Variants in EIF5B observed in about 807,000 individuals in gnomAD.
EIF5B encodes the protein eIF-5B.
Under a neutral mutation model 147.5 loss-of-function variants are expected in EIF5B, and 47 were observed. The observed-to-expected ratio is 0.32, with a 90% confidence interval of 0.25 to 0.41. EIF5B has a LOEUF of 0.41. Among genes scored for constraint, EIF5B ranks in the 10% least tolerant of loss-of-function variants. The pLI is 1.00. For missense variants in EIF5B, 1,064 were observed against 1,413.2 expected (o/e 0.75, Z 3.96); for synonymous variants, 455 against 456.2 (o/e 1.00, Z 0.03).
At chr2:99,372,505 A>C (rs1674474256) in intron 9 of EIF5B, among the ~76,000 whole-genome samples, 1 of 151,984 alleles carries the variant, frequency 6.6e-6, no homozygotes, top group African/African-American at 2.4e-5. Flanking sequence ...CGCCCAGCTA[A>C]TTTTGTATTT....
intron 14 of EIF5B, among the ~76,000 whole-genome samples, chr2:99,385,956 A>C (rs1214392989): frequency 6.6e-6 from 1 of 152,242 alleles, no homozygotes; most frequent in Non-Finnish European, 1.5e-5. Context: ...TTATGATTTC[A>C]TATAAATGGA....
chr2:99,337,615 C>T, intron 1 of EIF5B, 26 bp downstream of exon 1: 2 of 1,597,734 alleles, frequency 1.3e-6, no homozygotes, highest in Non-Finnish European at 1.7e-6. Context: ...GTCCGTACGG[C>T]GGCGGCCGCC....
intron 4 of EIF5B, among the ~76,000 whole-genome samples, chr2:99,363,333 A>G (rs945592704): frequency 6.6e-6 from 1 of 152,170 alleles, no homozygotes; most frequent in Non-Finnish European, 1.5e-5. Context: ...CTCAGGTACC[A>G]TGGATTTAGA....
Position 99,399,492 on chromosome 2 carries a change from G to A in EIF5B, c.*78G>A. The A allele has an allele frequency of 1.5e-6, 2 of 1,360,132 alleles. No individual in the cohort carries two copies. Among genetic ancestry groups the A allele is most frequent in the Middle Eastern group, 1.9e-4 (1 of 5,172 alleles). The allele number at this position is 1,360,132 out of a possible 1,614,324, so 84.3% of individuals were successfully genotyped here. The stretch of plus-strand genomic sequence containing the variant: ...CCCAACAAAAATCAGACAAAAAATG[G>A]AACAGACGTATTTGGACACTGATGG... On this transcript the variant is annotated 3_prime_UTR_variant, in exon 24 of 24. Coordinates refer to ENST00000289371, the MANE Select transcript of EIF5B (RefSeq NM_015904.4).
Position 99,379,405 on chromosome 2 carries a change from G to T in EIF5B, c.2038G>T (p.Glu680Ter). 1.2e-6 allele frequency: 2 copies of T among 1,612,608 alleles called. No individual in the cohort carries two copies. The highest frequency in any genetic ancestry group is 2.2e-5 in the South Asian group (2 of 90,864). ...ATNVPLEAIN[E>*]QTKMIKNFDR... ...CAATGTTCCTCTTGAAGCTATTAAT[G>T]AACAGACTAAGATGATTAAAAATGT... Residue 680 changes from glutamate (E) to a stop codon, truncating the protein, a stop_gained, in exon 12 of 24, where the codon GAA (glutamate) becomes TAA (stop). Coordinates refer to ENST00000289371, the MANE Select transcript of EIF5B (RefSeq NM_015904.4). LOFTEE classifies it high-confidence loss of function.
At position 99,399,469 on chromosome 2, in the gene EIF5B, C is replaced by CAACA; in HGVS notation, c.*58_*61dup. ...AATGCAATACTGTGTTGTAATATCC[C>CAACA]AACAAAAATCAGACAAAAAATGGAA... is the stretch of plus-strand genomic sequence containing the variant. On this transcript the variant is annotated 3_prime_UTR_variant, in exon 24 of 24. Coordinates refer to ENST00000289371, the MANE Select transcript of EIF5B (RefSeq NM_015904.4). 2.6e-6 allele frequency: 4 copies of CAACA among 1,514,568 alleles called. No individual in the cohort carries two copies. Among genetic ancestry groups the CAACA allele is most frequent in the Non-Finnish European group, 2.7e-6 (3 of 1,096,918 alleles). 93.8% of individuals were successfully genotyped at this position (1,514,568 alleles called of 1,614,324 possible).
chr2:99,371,069 TTTAAA>T (rs1222261618), intron 8 of EIF5B: 2 of 152,224 alleles, frequency 1.3e-5, no homozygotes, highest in African/African-American at 4.8e-5. Context: ...TAAAGAAACA[TTTAAA>T]TTAATTAAAT....
At position 99,400,434 on chromosome 2, in the gene EIF5B, G is replaced by T. The variant is rs1374908378; in HGVS notation, c.*1020G>T. 1 of 152,062 alleles carries T rather than the reference G, an allele frequency of 6.6e-6. No individual in the cohort carries two copies. Among genetic ancestry groups the T allele is most frequent in the East Asian group, 1.9e-4 (1 of 5,186 alleles). The allele number at this position is 152,062 out of a possible 1,614,324, so 9.4% of individuals were successfully genotyped here. A position where few individuals can be genotyped will look rare whatever the true frequency, so the allele number is the denominator to read the frequency against. On this transcript the variant is annotated 3_prime_UTR_variant, in exon 24 of 24. Transcript: ENST00000289371. ...TTAGGGTTTTGCTGAAGTCAGTGTGGGGTGTTTGTTTGAGGAAAAAGTTCC... is the reference window on the plus strand; with the variant it reads ...TTAGGGTTTTGCTGAAGTCAGTGTGTGGTGTTTGTTTGAGGAAAAAGTTCC...
chr2:99,392,728 G>T (rs1328574175), intron 17 of EIF5B, among the ~76,000 whole-genome samples: 1 of 152,028 alleles, frequency 6.6e-6, no homozygotes, highest in African/African-American at 2.4e-5. Flanking sequence ...CAGGATACCG[G>T]TTTGTTAGTT....
chr2:99,394,887 A>C lies in EIF5B; in HGVS notation c.3254+4A>C, dbSNP rs769704463. On this transcript the variant is annotated splice_donor_region_variant and intron_variant, in intron 21 of 23. Transcript: ENST00000289371. ...AACAGAAACAAGAAGAATTTAAGTA[A>C]GTTACTGTTTTTATTTACTTTGAGT... is the stretch of plus-strand genomic sequence containing the variant. 6.4e-7 allele frequency: 1 copy of C among 1,557,310 alleles called. No homozygotes were observed. The highest frequency in any genetic ancestry group is 2.2e-5 in the East Asian group (1 of 44,510).
At chr2:99,344,383 G>T (rs1428014231) in intron 1 of EIF5B, among the ~76,000 whole-genome samples, 1 of 151,070 alleles carries the variant, frequency 6.6e-6, no homozygotes. Flanking sequence ...CTGTATGTCT[G>T]TGTCAGTGTT....
At chr2:99,352,892 A>G (rs1674001205) in intron 1 of EIF5B, among the ~76,000 whole-genome samples, 1 of 150,388 alleles carries the variant, frequency 6.6e-6, no homozygotes, top group South Asian at 2.1e-4. Context: ...TGGCACAATC[A>G]TGGCTCATCA....
intron 17 of EIF5B, among the ~76,000 whole-genome samples, chr2:99,392,336 G>A (rs1204081851): frequency 2.6e-5 from 4 of 151,924 alleles, no homozygotes; most frequent in Non-Finnish European, 1.5e-5. Flanking sequence ...CACCGCACCC[G>A]GCCCAGTTTT....
intron 21 of EIF5B, among the ~76,000 whole-genome samples, chr2:99,395,251 C>G (rs11123786): frequency 0.62 from 94,946 of 152,146 alleles, 30,577 homozygotes; most frequent in African/African-American, 0.77. Flanking sequence ...GTCCATTCCT[C>G]TACCAAACTT....
chr2:99,338,922 G>GTGTATATA lies in EIF5B; in HGVS notation c.35+1334_35+1335insGTATATAT, dbSNP rs10644172. Among the ~76,000 whole-genome samples, 324 of 142,304 alleles carry GTGTATATA rather than the reference G, an allele frequency of 2.3e-3. 5 individuals are homozygous for GTGTATATA. The East Asian group carries it at 0.023, about 10-fold the overall frequency. The allele number at this position is 142,304 out of a possible 152,430, so 93.4% of individuals were successfully genotyped here. A position where few individuals can be genotyped will look rare whatever the true frequency, so the allele number is the denominator to read the frequency against. On this transcript the variant is annotated intron_variant, in intron 1 of 23. Transcript: ENST00000289371. The stretch of plus-strand genomic sequence containing the variant: ...TTCATCCCACCTACTAGAAGTGTGT[G>GTGTATATA]TATATATATATATATACAAATATAT...
chr2:99,357,610 A>G (rs1237748164), intron 1 of EIF5B, among the ~76,000 whole-genome samples: 5 of 152,252 alleles, frequency 3.3e-5, no homozygotes, highest in African/African-American at 9.6e-5. Context: ...TGAATTCTCC[A>G]GAAATATAGC....
At chr2:99,351,088 A>G (rs902084367) in intron 1 of EIF5B, among the ~76,000 whole-genome samples, 3 of 152,264 alleles carry the variant, frequency 2.0e-5, no homozygotes, top group Admixed American at 1.3e-4. Context: ...GCACTTTGGG[A>G]GGCCAAGGCA....
At chr2:99,362,405 T>A (rs1272527385) in intron 4 of EIF5B, among the ~76,000 whole-genome samples, 1 of 152,194 alleles carries the variant, frequency 6.6e-6, no homozygotes, top group Non-Finnish European at 1.5e-5. Flanking sequence ...TACTATATTC[T>A]TAAAACAGTA....
chr2:99,382,991 G>C (rs60635179), intron 14 of EIF5B, 70 bp downstream of exon 14: 1 of 1,466,240 alleles, frequency 6.8e-7, no homozygotes, highest in Non-Finnish European at 9.1e-7. Flanking sequence ...AAAAAAAGTA[G>C]TATAATTAAC....
Sources: gnomAD v4.1 joint callset for allele counts (sites outside exome capture counted in the v4.1 genomes callset) on GRCh38, gnomAD v4.1.1 for gene constraint, MANE v1.5 for transcripts, NCBI Gene and HGNC (gene_info 2026-07-23, HGNC 2026-07-21) for gene names.